DGKI: variants seen among roughly 807,000 people sequenced by gnomAD.
The protein encoded by DGKI is diacylglycerol kinase iota.
DGKI carries 55 observed loss-of-function variants against 147.5 expected under a neutral mutation model. The ratio of observed to expected loss-of-function variants is 0.37; its 90% CI spans 0.30 to 0.47. The LOEUF is 0.47. Ranked by LOEUF, DGKI falls within the 20% of genes least tolerant of loss-of-function variation. The pLI, the probability that DGKI is intolerant of heterozygous loss-of-function variation, is 1.00. For missense variants in DGKI, 1,007 were observed against 1,323.8 expected (o/e 0.76, Z 3.71); for synonymous variants, 469 against 477.1 (o/e 0.98, Z 0.22).
intron 1 of DGKI, among the ~76,000 whole-genome samples, chr7:137,710,857 A>G (rs992219774): frequency 2.0e-5 from 3 of 152,216 alleles, no homozygotes; most frequent in Non-Finnish European, 2.9e-5. Flanking sequence ...ACAAAATAAA[A>G]GATGTTTTCT....
chr7:137,595,049 T>C (rs1450443210), intron 12 of DGKI, among the ~76,000 whole-genome samples: 1 of 152,202 alleles, frequency 6.6e-6, no homozygotes, highest in Non-Finnish European at 1.5e-5. Context: ...GACTAGTACA[T>C]TTGTGAATTA....
In DGKI at chr7:137,682,383, T is replaced by C. The variant is rs1478092558; in HGVS notation, c.511-3731A>G. On this transcript the variant is annotated intron_variant, in intron 2 of 32. Transcript: ENST00000614521. ...ATAGTTGTATGACTCAGGGCCCTTC[T>C]CACTTTCCTAGACCCTATTTTACTC... Among the ~76,000 whole-genome samples the C allele has an allele frequency of 3.3e-5, 5 of 152,326 alleles. No individual in the cohort carries two copies. The East Asian group carries it at 9.6e-4, about 29-fold the overall frequency.
intron 28 of DGKI, among the ~76,000 whole-genome samples, chr7:137,439,322 C>T (rs1813401726): frequency 6.6e-6 from 1 of 152,136 alleles, no homozygotes; most frequent in African/African-American, 2.4e-5. Flanking sequence ...CTAATAAAGA[C>T]ATACTCAAGA....
At chr7:137,534,473 A>G (rs950427545) in intron 20 of DGKI, among the ~76,000 whole-genome samples, 1 of 152,048 alleles carries the variant, frequency 6.6e-6, no homozygotes, top group Non-Finnish European at 1.5e-5. Flanking sequence ...TACTATAATC[A>G]TGCTTTAGGA....
intron 28 of DGKI, among the ~76,000 whole-genome samples, chr7:137,436,970 G>T (rs180845757): frequency 6.6e-6 from 1 of 152,122 alleles, no homozygotes; most frequent in Admixed American, 6.6e-5. Context: ...AAATTAGAGC[G>T]AAGGAAAAGA....
At chr7:137,813,498 T>C (rs931398038) in intron 1 of DGKI, among the ~76,000 whole-genome samples, 1 of 152,128 alleles carries the variant, frequency 6.6e-6, no homozygotes, top group Admixed American at 6.5e-5. Context: ...AACCACCCCC[T>C]TGGGTGTTGA....
intron 28 of DGKI, among the ~76,000 whole-genome samples, chr7:137,436,163 G>T (rs1364760512): frequency 6.6e-6 from 1 of 152,100 alleles, no homozygotes; most frequent in Non-Finnish European, 1.5e-5. Context: ...TAAGGGAATA[G>T]CTACCTTTTG....
At chr7:137,638,486 A>ATGTG (rs1330263797) in intron 6 of DGKI, among the ~76,000 whole-genome samples, 170 of 126,018 alleles carry the variant, frequency 1.3e-3, no homozygotes, top group South Asian at 0.01. Context: ...GTGTATATAT[A>ATGTG]TACACACATA....
chr7:137,724,721 T>C (rs1794671982), intron 1 of DGKI, among the ~76,000 whole-genome samples: 1 of 152,038 alleles, frequency 6.6e-6, no homozygotes, highest in Non-Finnish European at 1.5e-5. Flanking sequence ...TTTGAACAAA[T>C]TGAGTTTAAG....
At chr7:137,601,279 A>G (rs1034844106) in intron 10 of DGKI, among the ~76,000 whole-genome samples, 1 of 152,130 alleles carries the variant, frequency 6.6e-6, no homozygotes, top group African/African-American at 2.4e-5. Context: ...TCAAAAAAAA[A>G]AAAGAAAAAG....
intron 28 of DGKI, among the ~76,000 whole-genome samples, chr7:137,424,891 C>T (rs561941125): frequency 9.2e-5 from 14 of 152,370 alleles, no homozygotes; most frequent in Non-Finnish European, 1.3e-4. Flanking sequence ...CCAGGAAGCT[C>T]GAACTGGGTG....
intron 24 of DGKI, among the ~76,000 whole-genome samples, chr7:137,468,497 C>T (rs1814748402): frequency 6.6e-6 from 1 of 152,142 alleles, no homozygotes; most frequent in African/African-American, 2.4e-5. Context: ...AATAAAGAAG[C>T]TGGAGGAAAG....
intron 1 of DGKI, among the ~76,000 whole-genome samples, chr7:137,761,951 C>T (rs375440414): frequency 5.9e-5 from 9 of 152,320 alleles, no homozygotes; most frequent in African/African-American, 2.2e-4. Flanking sequence ...CGTCAATCAC[C>T]TCGTCCTCAT....
In DGKI at chr7:137,390,502, T is replaced by TAC. The variant is rs1299679586; in HGVS notation, c.*716_*717dup. 1 of 153,138 alleles carries TAC rather than the reference T, an allele frequency of 6.5e-6. No individual in the cohort carries two copies. The highest frequency in any genetic ancestry group is 2.4e-5 in the African/African-American group (1 of 41,474). 9.5% of individuals were successfully genotyped at this position (153,138 alleles called of 1,614,324 possible). Reference sequence around the variant, plus strand: ...CAGCAGCCTGGGCTGACCCCTGGGTTACCTCTCTGAGGTACCTCCAAGCAC... The same window carrying TAC: ...CAGCAGCCTGGGCTGACCCCTGGGTTACACCTCTCTGAGGTACCTCCAAGCAC... On this transcript the variant is annotated 3_prime_UTR_variant, in exon 33 of 33. Transcript: ENST00000614521.
At chr7:137,543,924 T>A (rs989784106) in intron 20 of DGKI, among the ~76,000 whole-genome samples, 2 of 152,334 alleles carry the variant, frequency 1.3e-5, no homozygotes, top group East Asian at 1.9e-4. Flanking sequence ...TTTTATTAAC[T>A]GATTTTTAAA....
intron 1 of DGKI, among the ~76,000 whole-genome samples, chr7:137,773,748 T>C (rs1418246956): frequency 6.6e-6 from 1 of 152,152 alleles, no homozygotes; most frequent in African/African-American, 2.4e-5. Context: ...GTTTTCCAAA[T>C]GCTTAATAGC....
intron 1 of DGKI, among the ~76,000 whole-genome samples, chr7:137,803,997 T>A (rs1797289387): frequency 6.6e-6 from 1 of 152,242 alleles, no homozygotes; most frequent in South Asian, 2.1e-4. Context: ...TCTCTGAGGC[T>A]AGACTGAGGG....
At chr7:137,790,930 T>C (rs978025091) in intron 1 of DGKI, among the ~76,000 whole-genome samples, 1 of 152,200 alleles carries the variant, frequency 6.6e-6, no homozygotes, top group African/African-American at 2.4e-5. Flanking sequence ...ATTTTCTCTG[T>C]TCTCTCAGAG....
At chr7:137,439,407 C>T (rs781353110) in intron 28 of DGKI, among the ~76,000 whole-genome samples, 14 of 152,166 alleles carry the variant, frequency 9.2e-5, no homozygotes, top group African/African-American at 1.7e-4. Flanking sequence ...ACAATCATGG[C>T]GGAAGACGAA....
Sources: allele counts gnomAD v4.1 joint callset (sites outside exome capture counted in the v4.1 genomes callset), GRCh38; gene constraint gnomAD v4.1.1; transcripts MANE v1.5; gene names NCBI Gene and HGNC (gene_info 2026-07-23, HGNC 2026-07-21).